Variants in SOX5 observed in about 807,000 individuals in gnomAD.
SOX5 encodes the protein transcription factor SOX-5.
A neutral mutation model predicts 92.0 loss-of-function variants in SOX5; 9 were observed. The observed-to-expected ratio is 0.10, with a 90% CI of 0.06 to 0.17. The LOEUF is 0.17. SOX5 is among the 10% of genes least tolerant of loss of function. SOX5 has a pLI of 1.00. For missense variants in SOX5, 642 were observed against 944.5 expected (o/e 0.68, Z 4.20); for synonymous variants, 344 against 336.3 (o/e 1.02, Z -0.25).
intron 4 of SOX5, among the ~76,000 whole-genome samples, chr12:24,013,938 G>A (rs1243538757): frequency 6.6e-6 from 1 of 152,166 alleles, no homozygotes; most frequent in Non-Finnish European, 1.5e-5. Context: ...GGCTAGATGA[G>A]TGATAAACAC....
chr12:24,315,993 C>G (rs182335767), intron 2 of SOX5, among the ~76,000 whole-genome samples: 7 of 152,354 alleles, frequency 4.6e-5, no homozygotes, highest in South Asian at 4.1e-4. Flanking sequence ...TTTCACATCA[C>G]TTGGGGCCAC....
At chr12:23,915,973 T>A (rs1469089335) in intron 1 of SOX5, among the ~76,000 whole-genome samples, 1 of 152,090 alleles carries the variant, frequency 6.6e-6, no homozygotes, top group Non-Finnish European at 1.5e-5. Context: ...AATCACAAAC[T>A]CTTAAGTTTG....
upstream of SOX5, chr12:23,950,991 A>ACG (rs1297781051): frequency 5.1e-6 from 4 of 777,172 alleles, no homozygotes; most frequent in Non-Finnish European, 8.6e-6. Context: ...ACACACACAC[A>ACG]CACACACACA....
intron 4 of SOX5, among the ~76,000 whole-genome samples, chr12:24,087,096 T>A (rs1944086844): frequency 6.6e-6 from 1 of 152,080 alleles, no homozygotes; most frequent in African/African-American, 2.4e-5. Context: ...TGTTTCTACA[T>A]GTTGGACACT....
At chr12:24,406,065 G>C (rs1250992835) in intron 1 of SOX5, among the ~76,000 whole-genome samples, 1 of 151,488 alleles carries the variant, frequency 6.6e-6, no homozygotes, top group Non-Finnish European at 1.5e-5. Context: ...CAGAGGACAA[G>C]AGAGCTGGGC....
At chr12:24,170,222 C>T (rs576449162) in intron 4 of SOX5, among the ~76,000 whole-genome samples, 4 of 152,272 alleles carry the variant, frequency 2.6e-5, no homozygotes, top group East Asian at 3.9e-4. Flanking sequence ...CTCTGCCATC[C>T]GCAAAATAGC....
At chr12:24,287,050 C>G (rs569465840) in intron 2 of SOX5, among the ~76,000 whole-genome samples, 12 of 152,236 alleles carry the variant, frequency 7.9e-5, no homozygotes, top group Admixed American at 2.6e-4. Flanking sequence ...TAAGACCCAT[C>G]CTAAACTGAG....
At chr12:24,037,485 G>GA (rs1253673548) in intron 4 of SOX5, among the ~76,000 whole-genome samples, 1 of 152,040 alleles carries the variant, frequency 6.6e-6, no homozygotes, top group Admixed American at 6.6e-5. Flanking sequence ...AAAATAATAA[G>GA]AAAAAAGCCA....
At chr12:24,297,624 G>T (rs944388399) in intron 2 of SOX5, among the ~76,000 whole-genome samples, 1 of 152,224 alleles carries the variant, frequency 6.6e-6, no homozygotes, top group Non-Finnish European at 1.5e-5. Context: ...TACCTTTTAA[G>T]ATTGTCTTTT....
chr12:24,077,246 C>T (rs1056535887), intron 4 of SOX5, among the ~76,000 whole-genome samples: 4 of 152,096 alleles, frequency 2.6e-5, no homozygotes, highest in Non-Finnish European at 5.9e-5. Flanking sequence ...GTAACCAAGA[C>T]TGACTCTGGT....
At chr12:23,734,295 T>C (rs1057087544) in intron 6 of SOX5, among the ~76,000 whole-genome samples, 1 of 152,124 alleles carries the variant, frequency 6.6e-6, no homozygotes, top group Non-Finnish European at 1.5e-5. Flanking sequence ...GGGCATGCAA[T>C]AAAAAAGTTC....
intron 6 of SOX5, among the ~76,000 whole-genome samples, chr12:23,723,884 A>G (rs1341716013): frequency 2.6e-5 from 4 of 152,088 alleles, no homozygotes; most frequent in Non-Finnish European, 2.9e-5. Flanking sequence ...AAGTCTCAAC[A>G]TAAGATAATT....
At chr12:24,116,189 GT>G (rs1947977603) in intron 4 of SOX5, among the ~76,000 whole-genome samples, 1 of 152,128 alleles carries the variant, frequency 6.6e-6, no homozygotes, top group African/African-American at 2.4e-5. Context: ...TCAAAGAACT[GT>G]GTGTATAACA....
intron 4 of SOX5, among the ~76,000 whole-genome samples, chr12:24,088,154 G>A (rs1944236162): frequency 1.3e-5 from 2 of 151,766 alleles, no homozygotes; most frequent in African/African-American, 2.4e-5. Context: ...AAAAAATCAA[G>A]GATATGTCAA....
At chr12:23,980,112 G>A (rs542444152) in intron 4 of SOX5, among the ~76,000 whole-genome samples, 44 of 151,938 alleles carry the variant, frequency 2.9e-4, no homozygotes, top group Non-Finnish European at 5.0e-4. Context: ...CGTTATCTTC[G>A]TATGGCCATA....
At chr12:23,693,400 A>G (rs970213138) in intron 6 of SOX5, among the ~76,000 whole-genome samples, 1 of 152,180 alleles carries the variant, frequency 6.6e-6, no homozygotes, top group Non-Finnish European at 1.5e-5. Flanking sequence ...CTGGGATTAC[A>G]GGGGTGAGCC....
intron 1 of SOX5, among the ~76,000 whole-genome samples, chr12:24,527,537 C>T (rs144535255): frequency 3.3e-5 from 5 of 152,196 alleles, no homozygotes; most frequent in Non-Finnish European, 7.4e-5. Flanking sequence ...GACAACAATT[C>T]GGTTTTCAAA....
chr12:23,838,246 C>A (rs1340490919), intron 3 of SOX5, among the ~76,000 whole-genome samples: 2 of 147,790 alleles, frequency 1.4e-5, no homozygotes, highest in African/African-American at 2.5e-5. Context: ...AAAGTTCTGT[C>A]AACATTCTAC....
In SOX5 at chr12:23,683,584, C is replaced by A. The variant is rs548573637; in HGVS notation, c.811-18020G>T. Among the ~76,000 whole-genome samples the A allele has an allele frequency of 4.6e-5, 7 of 151,994 alleles. No homozygotes were observed. In the East Asian group the frequency reaches 1.4e-3, roughly 29 times the overall value. ...AATACCACACATGAATTTAGGAAGA[C>A]CTGATCCTCATCACAGGAAACCTTT... On this transcript the variant is annotated intron_variant, in intron 6 of 14. Transcript: ENST00000451604.
Sources: gnomAD v4.1 joint callset for allele counts (sites outside exome capture counted in the v4.1 genomes callset) on GRCh38, gnomAD v4.1.1 for gene constraint, MANE v1.5 for transcripts, NCBI Gene and HGNC (gene_info 2026-07-23, HGNC 2026-07-21) for gene names.